SGCZ: variants seen among roughly 807,000 people sequenced by gnomAD.
The protein encoded by SGCZ is zeta-sarcoglycan.
SGCZ carries 40 observed loss-of-function variants against 41.3 expected under a neutral mutation model. That is an observed-to-expected ratio of 0.97 (90% CI 0.75 to 1.26). The LOEUF (loss-of-function observed/expected upper bound fraction) is 1.26, where lower values mean the gene tolerates loss of function less well. SGCZ is among the 50% of genes most tolerant of loss of function. The pLI is 0.00. For synonymous variants in SGCZ, 206 were observed against 137.5 expected (o/e 1.50, Z -3.49); for missense variants, 552 against 369.8 (o/e 1.49, Z -4.04).
chr8:14,958,046 T>C (rs991284001), intron 1 of SGCZ, among the ~76,000 whole-genome samples: 1 of 152,126 alleles, frequency 6.6e-6, no homozygotes. Flanking sequence ...ATTTATCACA[T>C]ATTCATCTCT....
At chr8:14,412,243 C>T (rs527323244) in intron 2 of SGCZ, among the ~76,000 whole-genome samples, 4 of 152,132 alleles carry the variant, frequency 2.6e-5, no homozygotes, top group African/African-American at 4.8e-5. Flanking sequence ...CCTCAGTTTC[C>T]TCTTTTGGAA....
intron 1 of SGCZ, among the ~76,000 whole-genome samples, chr8:15,031,563 G>A (rs1188232115): frequency 6.6e-6 from 1 of 152,130 alleles, no homozygotes; most frequent in Non-Finnish European, 1.5e-5. Context: ...CTGTGAGGTG[G>A]AAACTAATGG....
chr8:14,684,345 T>C (rs903016604), intron 1 of SGCZ, among the ~76,000 whole-genome samples: 8 of 152,192 alleles, frequency 5.3e-5, no homozygotes, highest in African/African-American at 1.2e-4. Flanking sequence ...AAATCATGTA[T>C]TGAAAAGTCA....
At chr8:14,324,082 G>T (rs924250838) in intron 3 of SGCZ, 21 bp downstream of exon 3, 2 of 1,534,308 alleles carry the variant, frequency 1.3e-6, no homozygotes, top group Admixed American at 1.7e-5. Context: ...TTTAGAGTAA[G>T]CCAAAGCCAG....
rs1445725313 is a variant in SGCZ at position 14,936,923 on chromosome 8, A to G, written c.39+300662T>C. Reference sequence around the variant, plus strand: ...GATATTTATTAAACTTTACTACACTAAAGGCTTAGATTGGAAAAATAAATC... The same window carrying G: ...GATATTTATTAAACTTTACTACACTGAAGGCTTAGATTGGAAAAATAAATC... On this transcript the variant is annotated intron_variant, in intron 1 of 7. Transcript: ENST00000382080. Among the ~76,000 whole-genome samples, 4 of 151,890 alleles carry G rather than the reference A, an allele frequency of 2.6e-5. No individual in the cohort carries two copies. The East Asian group carries it at 5.8e-4, about 22-fold the overall frequency.
chr8:14,302,559 G>A (rs1184239144), intron 3 of SGCZ, among the ~76,000 whole-genome samples: 1 of 151,968 alleles, frequency 6.6e-6, no homozygotes, highest in Non-Finnish European at 1.5e-5. Flanking sequence ...TCACTCAATT[G>A]CCATTTACTC....
chr8:14,856,727 A>G (rs1803557004), intron 1 of SGCZ, among the ~76,000 whole-genome samples: 1 of 152,158 alleles, frequency 6.6e-6, no homozygotes, highest in African/African-American at 2.4e-5. Context: ...GTATGTTTAA[A>G]AGCTCCCTAG....
At chr8:14,570,480 G>C (rs1228548252) in intron 1 of SGCZ, among the ~76,000 whole-genome samples, 3 of 152,164 alleles carry the variant, frequency 2.0e-5, no homozygotes, top group African/African-American at 7.2e-5. Context: ...ACCTACCTTA[G>C]AAACTTATGT....
intron 1 of SGCZ, among the ~76,000 whole-genome samples, chr8:14,685,554 G>T (rs1563201962): frequency 6.6e-6 from 1 of 151,972 alleles, no homozygotes. Flanking sequence ...GCTATTCATT[G>T]AAATACTCCA....
At position 15,029,105 on chromosome 8, in the gene SGCZ, G is replaced by A. The variant is rs190982079; in HGVS notation, c.39+208480C>T. ...TTCCAAACCAGTTATTTCATGGAAC[G>A]AATCTTGATTTGTAGCTAGATACGC... On this transcript the variant is annotated intron_variant, in intron 1 of 7. Transcript: ENST00000382080. Among the ~76,000 whole-genome samples, 239 of 152,136 alleles carry A rather than the reference G, an allele frequency of 1.6e-3. 1 individual carries two copies. The highest frequency in any genetic ancestry group is 6.8e-3 in the Middle Eastern group (2 of 294).
Position 15,063,296 on chromosome 8 carries a change from C to T in SGCZ, c.39+174289G>A, listed in dbSNP as rs138304435. Among the ~76,000 whole-genome samples the T allele has an allele frequency of 2.2e-3, 330 of 152,142 alleles. 1 individual carries two copies. Among genetic ancestry groups the T allele is most frequent in the African/African-American group, 7.8e-3 (322 of 41,548 alleles). On this transcript the variant is annotated intron_variant, in intron 1 of 7. Transcript: ENST00000382080. ...AGCACATTTAATATGCATCACTGGT[C>T]CCCATCCAGGAATGTGATTGGTTAA... is the stretch of plus-strand genomic sequence containing the variant.
intron 1 of SGCZ, among the ~76,000 whole-genome samples, chr8:15,111,370 G>A (rs1807046138): frequency 6.6e-6 from 1 of 152,136 alleles, no homozygotes; most frequent in African/African-American, 2.4e-5. Context: ...TTGGCGATGG[G>A]CCAAGCGTGG....
chr8:14,736,769 C>A (rs1799047160), intron 1 of SGCZ, among the ~76,000 whole-genome samples: 2 of 152,084 alleles, frequency 1.3e-5, no homozygotes, highest in South Asian at 4.1e-4. Flanking sequence ...GAATCACAGT[C>A]TCTAATCACA....
chr8:15,210,730 G>C (rs12386861), intron 1 of SGCZ, among the ~76,000 whole-genome samples: 3 of 151,994 alleles, frequency 2.0e-5, no homozygotes, highest in African/African-American at 7.3e-5. Context: ...CCTTGCAGAC[G>C]TCCACACCAG....
At chr8:14,560,857 A>G (rs1246855202) in intron 1 of SGCZ, among the ~76,000 whole-genome samples, 1 of 147,462 alleles carries the variant, frequency 6.8e-6, no homozygotes, top group Non-Finnish European at 1.5e-5. Context: ...AAAAGTTGTG[A>G]AAAAAACAAA....
intron 1 of SGCZ, among the ~76,000 whole-genome samples, chr8:14,573,919 G>C (rs150019612): frequency 6.6e-6 from 1 of 152,218 alleles, no homozygotes; most frequent in African/African-American, 2.4e-5. Flanking sequence ...AGCCATAGAA[G>C]GGAGCTAGGA....
rs1213696316 is a variant in SGCZ at position 14,896,468 on chromosome 8, TATTATTATC to T, written c.39+341108_39+341116del. On this transcript the variant is annotated intron_variant, in intron 1 of 7. Coordinates refer to ENST00000382080, the MANE Select transcript of SGCZ (RefSeq NM_139167.4). ...TTATTTATTTATTTATTTATTTTACTATTATTATCATTATTATGATTATTTTGAGACAGA... is the reference window on the plus strand; with the variant it reads ...TTATTTATTTATTTATTTATTTTACTATTATTATGATTATTTTGAGACAGA... 1.2e-4 allele frequency among the ~76,000 whole-genome samples: 18 copies of T among 152,134 alleles called. No homozygotes were observed. The East Asian group carries it at 3.5e-3, about 29-fold the overall frequency.
intron 1 of SGCZ, among the ~76,000 whole-genome samples, chr8:15,002,120 G>C (rs1246729539): frequency 6.6e-6 from 1 of 151,742 alleles, no homozygotes; most frequent in Admixed American, 6.6e-5. Context: ...AAGACACATA[G>C]AGATGTAAGC....
At chr8:15,177,424 A>G (rs1800033193) in intron 1 of SGCZ, among the ~76,000 whole-genome samples, 1 of 152,244 alleles carries the variant, frequency 6.6e-6, no homozygotes, top group Non-Finnish European at 1.5e-5. Flanking sequence ...CCAAGTATTC[A>G]GCAATTTTCC....
Sources: gnomAD v4.1 joint callset for allele counts (sites outside exome capture counted in the v4.1 genomes callset) on GRCh38, gnomAD v4.1.1 for gene constraint, MANE v1.5 for transcripts, NCBI Gene and HGNC (gene_info 2026-07-23, HGNC 2026-07-21) for gene names.